PHF3: variants seen among roughly 807,000 people sequenced by gnomAD.
PHF3 encodes the protein PHD finger protein 3.
In PHF3, 41 loss-of-function variants were observed where a neutral mutation model predicts 178.4. The observed-to-expected ratio is 0.23, with a 90% CI of 0.18 to 0.30. The LOEUF is 0.30. PHF3 is among the 10% of genes least tolerant of loss of function. The pLI is 1.00. For missense variants in PHF3, 2,346 were observed against 2,398.1 expected (o/e 0.98, Z 0.45); for synonymous variants, 842 against 800.5 (o/e 1.05, Z -0.88).
rs1425475418 is a variant in PHF3, at chr6:63,721,628, C to T, written c.*7920C>T. On this transcript the variant is annotated 3_prime_UTR_variant, in exon 16 of 16. Coordinates refer to ENST00000262043, the MANE Select transcript of PHF3 (RefSeq NM_001370348.2). The stretch of plus-strand genomic sequence containing the variant: ...TGGAGGCCTTTTCTGTTACATTTAT[C>T]CCATCTAGATCCAGGTAGCCTTCTG... 1 of 1,551,196 alleles carries T rather than the reference C, an allele frequency of 6.4e-7. No individual in the cohort carries two copies. The highest frequency in any genetic ancestry group is 1.2e-5 in the South Asian group (1 of 84,046).
Position 63,691,937 on chromosome 6 carries a change from A to T in PHF3, c.2390A>T (p.Asp797Val). The T allele has an allele frequency of 6.2e-7, 1 of 1,613,506 alleles. No individual in the cohort carries two copies. The highest frequency in any genetic ancestry group is 8.5e-7 in the Non-Finnish European group (1 of 1,179,498). Residue 797 changes from aspartate to valine, a missense_variant, in exon 5 of 16, where the codon GAT becomes GTT. By Grantham distance (152) the Asp-to-Val change is radical. Around this residue, in one of 8 missense-constraint regions of PHF3, gnomAD observed 252 missense variants for 232.0 expected, o/e 1.09. Coordinates refer to ENST00000262043, the MANE Select transcript of PHF3 (RefSeq NM_001370348.2). The part of the protein sequence containing the change: ...NQATVEFHSG[D>V]KTMECEKLGL... ...GCTACAGTTGAATTCCATAGTGGAG[A>T]TAAAACAATGGAGTGTGAAAAGCTT...
rs756240802 is a variant in PHF3, at chr6:63,712,513, C to G, written c.4925C>G (p.Ser1642Cys). 5 of 1,613,854 alleles carry G rather than the reference C, an allele frequency of 3.1e-6. No individual in the cohort carries two copies. Among genetic ancestry groups the G allele is most frequent in the Non-Finnish European group, 4.2e-6 (5 of 1,179,926 alleles). Residue 1642 changes from serine to cysteine, a missense_variant, in exon 16 of 16, where the codon TCT (serine) becomes TGT (cysteine). This residue lies in a region of PHF3 where 839 missense variants were observed against 806.9 expected (regional missense o/e 1.04). Coordinates refer to ENST00000262043, the MANE Select transcript of PHF3 (RefSeq NM_001370348.2). ...AACCTTGTTGCTAATACAGCGAGGT[C>G]TCCACAGTTTATCAACCTGAAAAGG... ...SENLVANTAR[S>C]PQFINLKRDP...
At chr6:63,695,122 G>C (rs1051709825) in intron 6 of PHF3, among the ~76,000 whole-genome samples, 1 of 152,110 alleles carries the variant, frequency 6.6e-6, no homozygotes, top group African/African-American at 2.4e-5. Context: ...TGGGACTTCT[G>C]TTTTACATGG....
chr6:63,710,738 G>T (rs1270100592), intron 14 of PHF3, among the ~76,000 whole-genome samples: 1 of 152,144 alleles, frequency 6.6e-6, no homozygotes, highest in Non-Finnish European at 1.5e-5. Flanking sequence ...ATGTATGGTA[G>T]GGTGGAAGTG....
At chr6:63,676,786 C>G (rs1260247330) in intron 2 of PHF3, among the ~76,000 whole-genome samples, 1 of 152,134 alleles carries the variant, frequency 6.6e-6, no homozygotes, top group African/African-American at 2.4e-5. Context: ...ACAGTGATAA[C>G]TGTGTGGAGA....
At chr6:63,697,310 GAA>G (rs1767273882) in intron 6 of PHF3, among the ~76,000 whole-genome samples, 1 of 152,120 alleles carries the variant, frequency 6.6e-6, no homozygotes, top group Non-Finnish European at 1.5e-5. Flanking sequence ...AGTGAAATAT[GAA>G]GAGCAAATCA....
chr6:63,688,443 C>A lies in PHF3; in HGVS notation c.2189+2532C>A, dbSNP rs1766846234. Among the ~76,000 whole-genome samples the A allele has an allele frequency of 2.1e-5, 3 of 145,716 alleles. No individual in the cohort carries two copies. The South Asian group carries it at 6.7e-4, about 33-fold the overall frequency. On this transcript the variant is annotated intron_variant, in intron 4 of 15. Transcript: ENST00000262043. ...CTCCACCTCCTGAGTTCAAGTGATT[C>A]TCCTGCCTCGGCCTCCCAAGTAGCT...
intron 2 of PHF3, among the ~76,000 whole-genome samples, chr6:63,675,076 T>G (rs2149572973): frequency 6.6e-6 from 1 of 152,146 alleles, no homozygotes; most frequent in East Asian, 1.9e-4. Flanking sequence ...TCAGGAGGAC[T>G]TCACTTAAGC....
intron 5 of PHF3, among the ~76,000 whole-genome samples, chr6:63,693,228 AC>A (rs1350152816): frequency 6.6e-6 from 1 of 152,208 alleles, no homozygotes; most frequent in Non-Finnish European, 1.5e-5. Flanking sequence ...ATCACCTCTT[AC>A]GTACAGCTTC....
chr6:63,691,134 C>T (rs1006495208), intron 4 of PHF3, among the ~76,000 whole-genome samples: 8 of 152,248 alleles, frequency 5.3e-5, no homozygotes, highest in Non-Finnish European at 7.4e-5. Context: ...GCTGAATCAG[C>T]GTGACACCAT....
intron 1 of PHF3, among the ~76,000 whole-genome samples, chr6:63,642,085 T>G (rs1221844141): frequency 1.3e-5 from 2 of 152,228 alleles, no homozygotes; most frequent in African/African-American, 4.8e-5. Flanking sequence ...TGAAACATAT[T>G]TTAAAGCAGG....
chr6:63,678,901 C>T (rs1295419402), intron 2 of PHF3: 2 of 435,890 alleles, frequency 4.6e-6, no homozygotes, highest in African/African-American at 2.0e-5. Context: ...TAGATAACTC[C>T]TTGAGGTTCC....
intron 2 of PHF3, among the ~76,000 whole-genome samples, chr6:63,648,948 A>C (rs537698453): frequency 6.6e-6 from 1 of 152,104 alleles, no homozygotes. Context: ...TGATTTCTTC[A>C]AAGTTCTTTT....
In PHF3 at chr6:63,684,986, G is replaced by C. The variant is rs144904237; in HGVS notation, c.1264G>C (p.Glu422Gln). The change falls in exon 4 of 16, where the codon GAG becomes CAG. Residue 422 changes from glutamate to glutamine, a missense_variant. Transcript: ENST00000262043. ...CACTGAGTTTAATAAATCAAACTTA[G>C]AGGTGGTTGATACTAGTACTTTTGG... ...ESTEFNKSNL[E>Q]VVDTSTFGPE... is the part of the protein sequence containing the mutation. 2 of 1,614,068 alleles carry C rather than the reference G, an allele frequency of 1.2e-6. No individual in the cohort carries two copies. The highest frequency in any genetic ancestry group is 2.7e-5 in the African/African-American group (2 of 75,032).
intron 2 of PHF3, among the ~76,000 whole-genome samples, chr6:63,674,684 C>T (rs963761054): frequency 2.0e-5 from 3 of 152,090 alleles, no homozygotes; most frequent in South Asian, 2.1e-4. Context: ...TCTTACTATA[C>T]TTAACACAGC....
At chr6:63,651,856 G>C (rs1161072595) in intron 2 of PHF3, among the ~76,000 whole-genome samples, 1 of 152,104 alleles carries the variant, frequency 6.6e-6, no homozygotes, top group Non-Finnish European at 1.5e-5. Context: ...GAGCTCATCT[G>C]TGTTCCCATA....
At position 63,642,468 on chromosome 6, in the gene PHF3, T is replaced by G. The variant is rs547176598; in HGVS notation, c.-25-4059T>G. ...ACTTAAAATGCTTTGTAGTAGATGC[T>G]TAACACATGTATGAGTAAATGAATA... is the stretch of plus-strand genomic sequence containing the variant. On this transcript the variant is annotated intron_variant, in intron 1 of 15. Coordinates refer to ENST00000262043, the MANE Select transcript of PHF3 (RefSeq NM_001370348.2). Among the ~76,000 whole-genome samples, 78 of 152,370 alleles carry G rather than the reference T, an allele frequency of 5.1e-4. 2 individuals carry two copies. The highest frequency in any genetic ancestry group is 1.9e-3 in the African/African-American group (77 of 41,590).
intron 9 of PHF3, among the ~76,000 whole-genome samples, chr6:63,701,113 C>T (rs1582105578): frequency 6.6e-6 from 1 of 152,106 alleles, no homozygotes; most frequent in East Asian, 1.9e-4. Flanking sequence ...TTTGTAGAGC[C>T]AGATGAATTA....
rs763815909 is a variant in PHF3, at chr6:63,712,771, T to C, written c.5183T>C (p.Ile1728Thr). ...VAQNSPSVEN[I>T]QTSQAEQAKP... ...CAAAACTCACCATCAGTAGAAAACA[T>C]ACAGACTTCTCAAGCAGAACAAGCA... Residue 1728 changes from isoleucine to threonine, a missense_variant, in exon 16 of 16, where the codon ATA becomes ACA. Coordinates refer to ENST00000262043, the MANE Select transcript of PHF3 (RefSeq NM_001370348.2). The C allele has an allele frequency of 1.2e-6, 2 of 1,613,690 alleles. No homozygotes were observed. Among genetic ancestry groups the C allele is most frequent in the African/African-American group, 1.3e-5 (1 of 74,820 alleles).
Sources: allele counts gnomAD v4.1 joint callset (sites outside exome capture counted in the v4.1 genomes callset), GRCh38; gene constraint gnomAD v4.1.1; regional missense constraint gnomAD v4.1.1; transcripts MANE v1.5; gene names NCBI Gene and HGNC (gene_info 2026-07-23, HGNC 2026-07-21).